The following POGLUT3 variants were observed in gnomAD, a reference collection of about 807,000 sequenced individuals.
POGLUT3 encodes the protein KDEL (Lys-Asp-Glu-Leu) containing 2.
A neutral mutation model predicts 54.3 loss-of-function variants in POGLUT3; 48 were observed. The observed-to-expected ratio is 0.88, with a 90% CI of 0.70 to 1.12. The LOEUF (loss-of-function observed/expected upper bound fraction) is 1.12, where lower values mean the gene tolerates loss of function less well. Among genes scored for constraint, POGLUT3 ranks in the 50% most tolerant of loss-of-function variants. POGLUT3 has a pLI of 0.00. For missense variants in POGLUT3, 629 were observed against 618.7 expected (o/e 1.02, Z -0.18); for synonymous variants, 218 against 237.4 (o/e 0.92, Z 0.75).
intron 1 of POGLUT3, among the ~76,000 whole-genome samples, chr11:108,496,481 A>G (rs2093622403): frequency 6.6e-6 from 1 of 152,264 alleles, no homozygotes; most frequent in South Asian, 2.1e-4. Context: ...AGCTGAATAA[A>G]TGTGAGAGAT....
intron 1 of POGLUT3, among the ~76,000 whole-genome samples, chr11:108,493,832 G>A (rs1264610792): frequency 6.7e-6 from 1 of 149,740 alleles, no homozygotes. Flanking sequence ...AAAGAATTGA[G>A]GCTCAGCTTG....
chr11:108,474,869 G>T lies in POGLUT3; in HGVS notation c.1482C>A (p.Ile494=), dbSNP rs758887114. Residue 494 remains isoleucine, a synonymous_variant, in exon 8 of 8, where the codon ATC becomes ATA. Coordinates refer to ENST00000323468, the MANE Select transcript of POGLUT3 (RefSeq NM_153705.5). The part of the protein sequence containing the change: ...LVPQPEDSTA[I]CQCHRKKPSR... ...AAGGCTTTTTCCTGTGGCACTGGCA[G>T]ATGGCTGTGCTATCTTCTGGCTGAG... The T allele has an allele frequency of 6.2e-7, 1 of 1,614,130 alleles. No individual in the cohort carries two copies. The highest frequency in any genetic ancestry group is 1.1e-5 in the South Asian group (1 of 91,086).
At chr11:108,484,844 A>C (rs2093599822) in intron 3 of POGLUT3, among the ~76,000 whole-genome samples, 1 of 152,130 alleles carries the variant, frequency 6.6e-6, no homozygotes, top group African/African-American at 2.4e-5. Flanking sequence ...TCCATCCTTC[A>C]CCCTGTATGA....
intron 1 of POGLUT3, among the ~76,000 whole-genome samples, chr11:108,494,897 A>G (rs2093619412): frequency 6.6e-6 from 1 of 152,196 alleles, no homozygotes; most frequent in Non-Finnish European, 1.5e-5. Flanking sequence ...ATCAACAGGT[A>G]CTGCCTACAT....
At chr11:108,484,415 C>T (rs959388484) in intron 3 of POGLUT3, among the ~76,000 whole-genome samples, 1 of 152,150 alleles carries the variant, frequency 6.6e-6, no homozygotes, top group South Asian at 2.1e-4. Context: ...TGCAGCCACA[C>T]AGTCAGCATA....
At chr11:108,480,904 A>AC (rs2093591053) in intron 5 of POGLUT3, among the ~76,000 whole-genome samples, 2 of 152,178 alleles carry the variant, frequency 1.3e-5, no homozygotes, top group Admixed American at 1.3e-4. Flanking sequence ...ACAAAAAAAA[A>AC]AAAGAAAGAA....
chr11:108,472,119 T>C lies in POGLUT3; in HGVS notation c.*2708A>G, dbSNP rs1237950326. 6.6e-6 allele frequency: 1 copy of C among 152,200 alleles called. No homozygotes were observed. The highest frequency in any genetic ancestry group is 1.5e-5 in the Non-Finnish European group (1 of 68,046). 9.4% of individuals were successfully genotyped at this position (152,200 alleles called of 1,614,324 possible). A position where few individuals can be genotyped will look rare whatever the true frequency, so the allele number is the denominator to read the frequency against. On this transcript the variant is annotated 3_prime_UTR_variant, in exon 8 of 8. Transcript: ENST00000323468. ...AACAAAAGGTATCTTTTTCAACTTT[T>C]TATTTAGAAAATTTATTTTATTTAA...
rs1565743271 is a variant in POGLUT3, at chr11:108,473,364, A to T, written c.*1463T>A. 6.6e-6 allele frequency: 1 copy of T among 152,368 alleles called. No homozygotes were observed. Among genetic ancestry groups the T allele is most frequent in the East Asian group, 1.9e-4 (1 of 5,192 alleles). 9.4% of individuals were successfully genotyped at this position (152,368 alleles called of 1,614,324 possible). A position where few individuals can be genotyped will look rare whatever the true frequency, so the allele number is the denominator to read the frequency against. On this transcript the variant is annotated 3_prime_UTR_variant, in exon 8 of 8. Coordinates refer to ENST00000323468, the MANE Select transcript of POGLUT3 (RefSeq NM_153705.5). ...GAGCCACTGCAACCGGCCAGAGTACATATTTTAAAATTTGGAATGAGGATA... is the reference window on the plus strand; with the variant it reads ...GAGCCACTGCAACCGGCCAGAGTACTTATTTTAAAATTTGGAATGAGGATA...
intron 3 of POGLUT3, among the ~76,000 whole-genome samples, chr11:108,485,729 C>T (rs779046693): frequency 1.3e-5 from 2 of 151,714 alleles, no homozygotes; most frequent in Non-Finnish European, 2.9e-5. Context: ...GCAATCTTGG[C>T]CCACTGCAGC....
chr11:108,495,978 C>T (rs554648559), intron 1 of POGLUT3, among the ~76,000 whole-genome samples: 105 of 151,966 alleles, frequency 6.9e-4, no homozygotes, highest in African/African-American at 2.4e-3. Flanking sequence ...TAAACTTTTT[C>T]GTTTGTTTAA....
chr11:108,474,602 G>A lies in POGLUT3; in HGVS notation c.*225C>T. 1 of 351,590 alleles carries A rather than the reference G, an allele frequency of 2.8e-6. No homozygotes were observed. Among genetic ancestry groups the A allele is most frequent in the East Asian group, 4.5e-5 (1 of 22,006 alleles). 21.8% of individuals were successfully genotyped at this position (351,590 alleles called of 1,614,324 possible). A position where few individuals can be genotyped will look rare whatever the true frequency, so the allele number is the denominator to read the frequency against. ...CCCCAAGATACCTCATTATGTACAT[G>A]CAAATATTCCCAAATCTTAAAAAAT... On this transcript the variant is annotated 3_prime_UTR_variant, in exon 8 of 8. Coordinates refer to ENST00000323468, the MANE Select transcript of POGLUT3 (RefSeq NM_153705.5).
At chr11:108,482,908 C>T (rs962953272) in intron 3 of POGLUT3, among the ~76,000 whole-genome samples, 6 of 152,204 alleles carry the variant, frequency 3.9e-5, no homozygotes, top group Admixed American at 3.9e-4. Flanking sequence ...TTCACTGTCC[C>T]CATCTTTGCC....
At position 108,498,279 on chromosome 11, in the gene POGLUT3, G is replaced by A. The variant is rs2093626162; in HGVS notation, c.88C>T (p.Pro30Ser). ...AGAPEVLVSA[P>S]RSLVWGPGLQ... ...CCGGGCCCCCACACCAGGCTCCGCG[G>A]CGCGCTGACCAGCACCTCCGGGGCC... is the stretch of plus-strand genomic sequence containing the variant. The change falls in exon 1 of 8, where the codon CCG becomes TCG. Residue 30 changes from proline to serine, a missense_variant. Physicochemically the swap from Pro to Ser is moderately conservative, Grantham distance 74. Transcript: ENST00000323468. The A allele has an allele frequency of 2.7e-6, 4 of 1,491,658 alleles. No individual in the cohort carries two copies. The highest frequency in any genetic ancestry group is 1.5e-5 in the African/African-American group (1 of 68,368). The allele number at this position is 1,491,658 out of a possible 1,614,324, so 92.4% of individuals were successfully genotyped here.
chr11:108,475,954 G>A (rs1206624694), intron 7 of POGLUT3, among the ~76,000 whole-genome samples: 1 of 151,970 alleles, frequency 6.6e-6, no homozygotes, highest in Non-Finnish European at 1.5e-5. Flanking sequence ...TGAGGAACCA[G>A]GGAAACACGG....
At chr11:108,494,331 G>A (rs970177435) in intron 1 of POGLUT3, among the ~76,000 whole-genome samples, 1 of 152,182 alleles carries the variant, frequency 6.6e-6, no homozygotes, top group African/African-American at 2.4e-5. Context: ...ACACGGTCAA[G>A]GGAAACAAAA....
intron 5 of POGLUT3, among the ~76,000 whole-genome samples, chr11:108,480,826 A>G (rs954714774): frequency 6.6e-5 from 10 of 152,032 alleles, no homozygotes; most frequent in Middle Eastern, 3.4e-3. Context: ...TGCTTTTTCT[A>G]TTTATAAAAG....
chr11:108,497,144 G>T (rs1448157944), intron 1 of POGLUT3, among the ~76,000 whole-genome samples: 1 of 152,216 alleles, frequency 6.6e-6, no homozygotes, highest in African/African-American at 2.4e-5. Flanking sequence ...TTCCTTGATG[G>T]TCAGGCATTG....
At chr11:108,486,024 C>T (rs1439570044) in intron 3 of POGLUT3, 133 bp downstream of exon 3, 4 of 684,970 alleles carry the variant, frequency 5.8e-6, no homozygotes, top group Middle Eastern at 4.0e-4. Context: ...ATGATGAACA[C>T]TCAGGTTGCA....
rs780838995 is a variant in POGLUT3, at chr11:108,481,381, A to C, written c.902-5T>G. ...TTTTATTGATCCAGGAAGGCCCTAC[A>C]AGTTTGAAGCCATAAAAAAATTAGG... On this transcript the variant is annotated splice_polypyrimidine_tract_variant and splice_region_variant and intron_variant, in intron 4 of 7. Coordinates refer to ENST00000323468, the MANE Select transcript of POGLUT3 (RefSeq NM_153705.5). 1.3e-6 allele frequency: 2 copies of C among 1,556,208 alleles called. No individual in the cohort carries two copies. Among genetic ancestry groups the C allele is most frequent in the South Asian group, 1.3e-5 (1 of 79,800 alleles).
Sources: allele counts gnomAD v4.1 joint callset (sites outside exome capture counted in the v4.1 genomes callset), GRCh38; gene constraint gnomAD v4.1.1; transcripts MANE v1.5; gene names NCBI Gene and HGNC (gene_info 2026-07-23, HGNC 2026-07-21).